Variants in SORBS2 observed in about 807,000 individuals in gnomAD.
SORBS2 encodes sorbin and SH3 domain-containing protein 2.
In SORBS2, 46 loss-of-function variants were observed where a neutral mutation model predicts 97.7. That is an observed-to-expected ratio of 0.47 (90% CI 0.37 to 0.60). SORBS2 has a LOEUF of 0.60. Among genes scored for constraint, SORBS2 ranks in the 20% least tolerant of loss-of-function variants. The pLI, the probability that SORBS2 is intolerant of heterozygous loss-of-function variation, is 0.00. For synonymous variants in SORBS2, 476 were observed against 473.4 expected (o/e 1.01, Z -0.07); for missense variants, 1,316 against 1,282.3 (o/e 1.03, Z -0.40).
intron 4 of SORBS2, among the ~76,000 whole-genome samples, 198 bp downstream of exon 16, chr4:185,635,157 A>G (rs146270867): frequency 6.6e-6 from 1 of 152,208 alleles, no homozygotes; most frequent in East Asian, 1.9e-4. Flanking sequence ...TTCTTCACCC[A>G]GAGTCCAGAG....
intron 2 of SORBS2, among the ~76,000 whole-genome samples, chr4:185,703,222 A>G (rs2098291256): frequency 6.6e-6 from 1 of 152,234 alleles, no homozygotes; most frequent in African/African-American, 2.4e-5. Context: ...AATAGAATCC[A>G]TTTTATAAAT....
intron 2 of SORBS2, among the ~76,000 whole-genome samples, chr4:185,723,220 G>T (rs1000712465): frequency 6.6e-6 from 1 of 152,206 alleles, no homozygotes; most frequent in Non-Finnish European, 1.5e-5. Flanking sequence ...ATAGAGGCAA[G>T]CACCTGACAT....
At chr4:185,693,404 G>GT (rs1561952583) in intron 2 of SORBS2, among the ~76,000 whole-genome samples, 1 of 151,952 alleles carries the variant, frequency 6.6e-6, no homozygotes, top group African/African-American at 2.4e-5. Flanking sequence ...TCCTTCAAAC[G>GT]TATTTAGTTT....
chr4:185,718,848 T>TA (rs911624304), intron 2 of SORBS2, among the ~76,000 whole-genome samples: 1 of 152,132 alleles, frequency 6.6e-6, no homozygotes, highest in Admixed American at 6.5e-5. Flanking sequence ...TCTCCACCTT[T>TA]AAAAAAAATA....
intron 4 of SORBS2, chr4:185,677,761 C>A: frequency 1.8e-6 from 1 of 566,734 alleles, no homozygotes; most frequent in South Asian, 2.1e-5. Context: ...AATGCCACAC[C>A]TTCTGATTAT....
At chr4:185,611,362 C>T (rs568362472) in intron 12 of SORBS2, among the ~76,000 whole-genome samples, 3 of 151,330 alleles carry the variant, frequency 2.0e-5, no homozygotes, top group African/African-American at 7.3e-5. Context: ...ATTGTATATA[C>T]ATGTATGAAT....
At chr4:185,621,317 G>C (rs11946193) in intron 7 of SORBS2, among the ~76,000 whole-genome samples, 2 of 151,796 alleles carry the variant, frequency 1.3e-5, no homozygotes, top group Non-Finnish European at 2.9e-5. Context: ...TTCTAACCCA[G>C]GGAATATAAG....
intron 1 of SORBS2, among the ~76,000 whole-genome samples, chr4:185,861,997 G>A (rs1448783400): frequency 6.6e-6 from 1 of 152,230 alleles, no homozygotes; most frequent in African/African-American, 2.4e-5. Context: ...CCGGATGAGA[G>A]ATGACGGTGG....
intron 4 of SORBS2, among the ~76,000 whole-genome samples, chr4:185,637,409 G>A (rs918294095): frequency 6.6e-6 from 1 of 152,200 alleles, no homozygotes; most frequent in Non-Finnish European, 1.5e-5. Flanking sequence ...TTGCACAATG[G>A]CAAGTCCACC....
At chr4:185,835,214 C>T (rs1177496589) in intron 1 of SORBS2, among the ~76,000 whole-genome samples, 1 of 152,180 alleles carries the variant, frequency 6.6e-6, no homozygotes, top group East Asian at 1.9e-4. Flanking sequence ...CCAATTAAAC[C>T]TCTTTTCTTG....
At chr4:185,818,695 G>T (rs1156379196) in intron 1 of SORBS2, among the ~76,000 whole-genome samples, 1 of 152,008 alleles carries the variant, frequency 6.6e-6, no homozygotes, top group Non-Finnish European at 1.5e-5. Flanking sequence ...GCCTGGTGGT[G>T]GGCGCCTGTA....
exon 7 of SORBS2, chr4:185,624,139 G>A: frequency 6.2e-7 from 1 of 1,614,234 alleles, no homozygotes; most frequent in Non-Finnish European, 8.5e-7. Flanking sequence ...CCTCCGGGAC[G>A]TAGGGGGACC....
chr4:185,790,168 A>G (rs2099074007), intron 1 of SORBS2, among the ~76,000 whole-genome samples: 1 of 152,058 alleles, frequency 6.6e-6, no homozygotes, highest in Admixed American at 6.6e-5. Flanking sequence ...GGATATGAGA[A>G]GACAGTCATC....
chr4:185,890,558 C>T lies in SORBS2; in HGVS notation c.-338+65638G>A, dbSNP rs13132741. Reference sequence around the variant, plus strand: ...CTTTAAGGCCGCCTCCACTCACACCCGCTTCCGGACTCCCCCACAGTCTCA... The same window carrying T: ...CTTTAAGGCCGCCTCCACTCACACCTGCTTCCGGACTCCCCCACAGTCTCA... On this transcript the variant is annotated intron_variant, in intron 1 of 20. Transcript: ENST00000284776. Among the ~76,000 whole-genome samples, 19 of 152,286 alleles carry T rather than the reference C, an allele frequency of 1.2e-4. No individual in the cohort carries two copies. In the East Asian group the frequency reaches 2.5e-3, roughly 20 times the overall value.
chr4:185,660,648 T>A (rs971781015), upstream of SORBS2, among the ~76,000 whole-genome samples: 8 of 152,196 alleles, frequency 5.3e-5, no homozygotes, highest in African/African-American at 1.9e-4. Flanking sequence ...CATCCCTGAA[T>A]AAACGAACAG....
rs553941318 is a variant in SORBS2, at chr4:185,908,523, C to T, written c.-338+47673G>A. ...CTGACTTCTGATTGCTAAATCAAAA[C>T]GCTTAGAAAGGGTTTGTTGGAAAAT... On this transcript the variant is annotated intron_variant, in intron 1 of 20. Coordinates refer to the SORBS2 transcript ENST00000284776. Among the ~76,000 whole-genome samples the T allele has an allele frequency of 1.3e-3, 201 of 149,772 alleles. 2 individuals carry two copies. Among genetic ancestry groups the T allele is most frequent in the African/African-American group, 4.5e-3 (184 of 40,924 alleles).
chr4:185,848,269 C>T (rs2099215684), intron 1 of SORBS2, among the ~76,000 whole-genome samples: 1 of 152,192 alleles, frequency 6.6e-6, no homozygotes, highest in Non-Finnish European at 1.5e-5. Context: ...GAAAGCCAAC[C>T]TGCAGGGATT....
chr4:185,598,066 T>G (rs2096157480), intron 12 of SORBS2, among the ~76,000 whole-genome samples: 1 of 152,214 alleles, frequency 6.6e-6, no homozygotes. Flanking sequence ...CTTAGCAGTT[T>G]TAAGATAAAT....
chr4:185,940,009 G>A (rs1367527388), intron 1 of SORBS2, among the ~76,000 whole-genome samples: 1 of 152,188 alleles, frequency 6.6e-6, no homozygotes, highest in African/African-American at 2.4e-5. Flanking sequence ...CCCTCTTGAA[G>A]CGTTTCTTTG....
Sources: gnomAD v4.1 joint callset for allele counts (sites outside exome capture counted in the v4.1 genomes callset) on GRCh38, gnomAD v4.1.1 for gene constraint, MANE v1.5 for transcripts, NCBI Gene and HGNC (gene_info 2026-07-23, HGNC 2026-07-21) for gene names.